RERE: variants seen among roughly 807,000 people sequenced by gnomAD.
The protein encoded by RERE is arginine-glutamic acid dipeptide repeats protein.
Under a neutral mutation model 146.1 loss-of-function variants are expected in RERE, and 40 were observed. The ratio of observed to expected loss-of-function variants is 0.27; its 90% CI spans 0.21 to 0.36. RERE has a LOEUF of 0.36. RERE is among the 10% of genes least tolerant of loss of function. RERE has a pLI of 1.00. For synonymous variants in RERE, 1,003 were observed against 866.0 expected (o/e 1.16, Z -2.78); for missense variants, 1,933 against 2,138.7 (o/e 0.90, Z 1.90).
intron 8 of RERE, among the ~76,000 whole-genome samples, chr1:8,498,560 G>C (rs748465460): frequency 2.2e-4 from 33 of 151,028 alleles, no homozygotes; most frequent in Non-Finnish European, 4.3e-4. Flanking sequence ...GCCAGGCGTG[G>C]TGGTATGTGC....
intron 1 of RERE, among the ~76,000 whole-genome samples, chr1:8,736,825 C>CT (rs1408467251): frequency 8.1e-6 from 1 of 123,814 alleles, no homozygotes; most frequent in African/African-American, 3.1e-5. Flanking sequence ...TTATAGGTGT[C>CT]TGTTACCTCT....
chr1:8,640,178 A>T (rs1647158052), intron 2 of RERE, among the ~76,000 whole-genome samples: 1 of 152,056 alleles, frequency 6.6e-6, no homozygotes, highest in African/African-American at 2.4e-5. Flanking sequence ...ATAAAAAACA[A>T]CATATTGAAA....
chr1:8,460,708 T>C (rs577046226), intron 11 of RERE, among the ~76,000 whole-genome samples: 1 of 152,330 alleles, frequency 6.6e-6, no homozygotes, highest in African/African-American at 2.4e-5. Context: ...AAACACCCTG[T>C]AGTAACATGG....
intron 7 of RERE, among the ~76,000 whole-genome samples, chr1:8,523,604 T>C (rs772470270): frequency 6.6e-6 from 1 of 152,158 alleles, no homozygotes; most frequent in Non-Finnish European, 1.5e-5. Context: ...AGCAAGCCTT[T>C]AGCATTCCAA....
chr1:8,500,916 A>G (rs1455589991), intron 8 of RERE, among the ~76,000 whole-genome samples: 2 of 148,930 alleles, frequency 1.3e-5, no homozygotes, highest in Admixed American at 6.7e-5. Flanking sequence ...CTGAGAAGTG[A>G]GGAAACCCTC....
At chr1:8,781,085 C>T (rs2124560318) in intron 1 of RERE, among the ~76,000 whole-genome samples, 1 of 151,728 alleles carries the variant, frequency 6.6e-6, no homozygotes, top group East Asian at 2.0e-4. Flanking sequence ...CGGCCAGGCA[C>T]GGTGGCTCAC....
intron 4 of RERE, among the ~76,000 whole-genome samples, chr1:8,577,434 G>C (rs1403870266): frequency 6.6e-6 from 1 of 152,050 alleles, no homozygotes; most frequent in African/African-American, 2.4e-5. Context: ...ACTGTTAAGA[G>C]AATAAAACGG....
intron 4 of RERE, among the ~76,000 whole-genome samples, chr1:8,608,337 T>C (rs754045476): frequency 6.6e-6 from 1 of 152,092 alleles, no homozygotes; most frequent in Non-Finnish European, 1.5e-5. Flanking sequence ...ACCCTGTCTC[T>C]ACAAAAATTT....
intron 10 of RERE, among the ~76,000 whole-genome samples, chr1:8,467,397 G>A (rs547450634): frequency 3.9e-5 from 6 of 152,296 alleles, no homozygotes; most frequent in Non-Finnish European, 7.3e-5. Flanking sequence ...TTAGGTTTAG[G>A]CAAAGACCTA....
intron 6 of RERE, among the ~76,000 whole-genome samples, chr1:8,549,782 G>T (rs952024599): frequency 6.6e-6 from 1 of 152,214 alleles, no homozygotes; most frequent in Non-Finnish European, 1.5e-5. Context: ...CCCATGATAA[G>T]ATGCACTCAG....
Position 8,360,510 on chromosome 1 carries a change from G to A in RERE, c.2997C>T (p.Ser999=). Reference sequence around the variant, plus strand: ...TCAGCCCGGGGGGCTGGGCGGGCGAGGAGGGCAATGGCTGGCTCTGAGGCA... The same window carrying A: ...TCAGCCCGGGGGGCTGGGCGGGCGAAGAGGGCAATGGCTGGCTCTGAGGCA... The part of the protein sequence containing the change: ...QLMPQSQPLP[S]SPAQPPGLTQ... Residue 999 remains serine (S), a synonymous_variant, in exon 18 of 23, where the codon TCC becomes TCT. Coordinates refer to ENST00000400908, the MANE Select transcript of RERE (RefSeq NM_001042681.2). The A allele has an allele frequency of 7.4e-7, 1 of 1,357,626 alleles. No individual in the cohort carries two copies. Among genetic ancestry groups the A allele is most frequent in the Non-Finnish European group, 9.7e-7 (1 of 1,032,876 alleles). The allele number at this position is 1,357,626 out of a possible 1,614,324, so 84.1% of individuals were successfully genotyped here. A position where few individuals can be genotyped will look rare whatever the true frequency, so the allele number is the denominator to read the frequency against.
In RERE at chr1:8,360,188, G is replaced by A; in HGVS notation, c.3319C>T (p.Pro1107Ser). The A allele has an allele frequency of 1.9e-6, 3 of 1,597,002 alleles. No individual in the cohort carries two copies. The highest frequency in any genetic ancestry group is 2.6e-6 in the Non-Finnish European group (3 of 1,172,662). ...ALDDAEEPES[P>S]PPPPRSPSPE... ...GACGGGCTCCTTGGTGGGGGAGGGG[G>A]GCTCTCAGGCTCCTCAGCGTCGTCC... Residue 1107 changes from proline to serine, a missense_variant, in exon 18 of 23, where the codon CCC (proline) becomes TCC (serine). By Grantham distance (74) the Pro-to-Ser change is moderately conservative. This residue lies in a region of RERE where 1,255 missense variants were observed against 1,153.8 expected (regional missense o/e 1.09). Coordinates refer to ENST00000400908, the MANE Select transcript of RERE (RefSeq NM_001042681.2).
intron 2 of RERE, among the ~76,000 whole-genome samples, chr1:8,630,940 T>C (rs2124250065): frequency 6.6e-6 from 1 of 152,356 alleles, no homozygotes; most frequent in East Asian, 1.9e-4. Flanking sequence ...TTTTTAAACA[T>C]AATAATTACA....
chr1:8,567,760 T>C lies in RERE; in HGVS notation c.523-10237A>G, dbSNP rs75027789. ...ACAGGTAAAACCTTGGGAATATTTGTACTTCTTGCCCTCATCTGTAAACTA... is the reference window on the plus strand; with the variant it reads ...ACAGGTAAAACCTTGGGAATATTTGCACTTCTTGCCCTCATCTGTAAACTA... On this transcript the variant is annotated intron_variant, in intron 4 of 22. Coordinates refer to ENST00000400908, the MANE Select transcript of RERE (RefSeq NM_001042681.2). 8.0e-3 allele frequency among the ~76,000 whole-genome samples: 1,215 copies of C among 152,336 alleles called. 13 individuals carry two copies. Among genetic ancestry groups the C allele is most frequent in the African/African-American group, 0.028 (1,161 of 41,586 alleles).
intron 11 of RERE, among the ~76,000 whole-genome samples, chr1:8,426,300 A>C (rs2124477224): frequency 6.6e-6 from 1 of 152,136 alleles, no homozygotes; most frequent in African/African-American, 2.4e-5. Flanking sequence ...TAAAAATACA[A>C]AAAATTAGCT....
At chr1:8,700,664 T>C (rs1235409827) in intron 1 of RERE, among the ~76,000 whole-genome samples, 1 of 152,210 alleles carries the variant, frequency 6.6e-6, no homozygotes, top group African/African-American at 2.4e-5. Flanking sequence ...GGAAACATTC[T>C]AGCCACCTTA....
In RERE at chr1:8,759,861, A is replaced by ACT. The variant is rs201029528; in HGVS notation, c.-145+57298_-145+57299insAG. On this transcript the variant is annotated intron_variant, in intron 1 of 22. Coordinates refer to ENST00000400908, the MANE Select transcript of RERE (RefSeq NM_001042681.2). ...TATACACACACACACACACACACACACACACACACACACACAATATGTCTT... is the reference window on the plus strand; with the variant it reads ...TATACACACACACACACACACACACACTCACACACACACACACAATATGTCTT... 2.8e-4 allele frequency among the ~76,000 whole-genome samples: 43 copies of ACT among 152,022 alleles called. 2 individuals are homozygous for ACT. The East Asian group carries it at 8.3e-3, about 29-fold the overall frequency.
chr1:8,425,319 A>T (rs988075162), intron 11 of RERE: 6 of 152,268 alleles, frequency 3.9e-5, no homozygotes, highest in African/African-American at 1.2e-4. Context: ...TTTTGCACGT[A>T]AGATAAGTAT....
intron 1 of RERE, among the ~76,000 whole-genome samples, chr1:8,798,985 C>T (rs545842371): frequency 5.9e-4 from 89 of 151,056 alleles, no homozygotes; most frequent in African/African-American, 2.1e-3. Flanking sequence ...AGCCACTGTG[C>T]CCGGCCTTTT....
Sources: allele counts gnomAD v4.1 joint callset (sites outside exome capture counted in the v4.1 genomes callset), GRCh38; gene constraint gnomAD v4.1.1; regional missense constraint gnomAD v4.1.1; transcripts MANE v1.5; gene names NCBI Gene and HGNC (gene_info 2026-07-23, HGNC 2026-07-21).